The following GNL1 variants were observed in gnomAD, a reference collection of about 807,000 sequenced individuals.
GNL1 encodes G protein nucleolar 1.
A neutral mutation model predicts 75.2 loss-of-function variants in GNL1; 21 were observed. That is an observed-to-expected ratio of 0.28 (90% CI 0.20 to 0.40). The LOEUF is 0.40. Among genes scored for constraint, GNL1 ranks in the 10% least tolerant of loss-of-function variants. The pLI, the probability that GNL1 is intolerant of heterozygous loss-of-function variation, is 1.00. For synonymous variants in GNL1, 287 were observed against 303.4 expected, an observed-to-expected ratio of 0.95 and a Z score of 0.56; for missense variants, 579 against 775.0, an observed-to-expected ratio of 0.75 and a Z score of 3.00.
In GNL1 at chr6:30,545,314, A is replaced by G. The variant is rs1481724440; in HGVS notation, c.*758T>C. Reference sequence around the variant, plus strand: ...AATTAAAACTACTCGTACACATTTAATCAACATTTTCACAAGCGTTTTGCC... The same window carrying G: ...AATTAAAACTACTCGTACACATTTAGTCAACATTTTCACAAGCGTTTTGCC... On this transcript the variant is annotated 3_prime_UTR_variant, in exon 12 of 12. Transcript: ENST00000376621. The G allele has an allele frequency of 1.3e-5, 2 of 152,288 alleles. No homozygotes were observed. Among genetic ancestry groups the G allele is most frequent in the African/African-American group, 4.8e-5 (2 of 41,474 alleles). The allele number at this position is 152,288 out of a possible 1,614,324, so 9.4% of individuals were successfully genotyped here. A position where few individuals can be genotyped will look rare whatever the true frequency, so the allele number is the denominator to read the frequency against.
chr6:30,556,309 C>T lies in GNL1; in HGVS notation c.-106G>A. 8 of 1,342,472 alleles carry T rather than the reference C, an allele frequency of 6.0e-6. No individual in the cohort carries two copies. Among genetic ancestry groups the T allele is most frequent in the Non-Finnish European group, 8.3e-6 (8 of 960,030 alleles). The allele number at this position is 1,342,472 out of a possible 1,614,324, so 83.2% of individuals were successfully genotyped here. On this transcript the variant is annotated 5_prime_UTR_variant, in exon 1 of 12. Transcript: ENST00000376621. The surrounding 1 kb of genome is among the most constrained non-coding windows in gnomAD (Gnocchi z 5.7). ...CAGGGGCCCGGGACCCTAGAGGAGG[C>T]GGGGCTAGCAGGTGACGTCAGCGGG...
chr6:30,547,152 G>C lies in GNL1; in HGVS notation c.1401C>G (p.Pro467=). 1 of 1,613,014 alleles carries C rather than the reference G, an allele frequency of 6.2e-7. No homozygotes were observed. Among genetic ancestry groups the C allele is most frequent in the Non-Finnish European group, 8.5e-7 (1 of 1,179,916 alleles). ...AGGCACACCAGGGGTGTTCCGCTGA[G>C]GGGTCCTCAGCCTCTGGGTGGCGCA... ...LHLRHPEAED[P]SAEHPWCAWD... is the part of the protein sequence containing the mutation. The change falls in exon 10 of 12, where the codon CCC becomes CCG. Residue 467 remains proline, a synonymous_variant. Coordinates refer to ENST00000376621, the MANE Select transcript of GNL1 (RefSeq NM_005275.5). The surrounding 1 kb of genome is among the most constrained non-coding windows in gnomAD (Gnocchi z 5.5).
Position 30,546,333 on chromosome 6 carries a change from A to C in GNL1, c.1583-20T>G. The C allele has an allele frequency of 2.0e-6, 3 of 1,536,534 alleles. No individual in the cohort carries two copies. Among genetic ancestry groups the C allele is most frequent in the Non-Finnish European group, 2.7e-6 (3 of 1,122,874 alleles). On this transcript the variant is annotated intron_variant, in intron 11 of 11. Transcript: ENST00000376621. The surrounding 1 kb of genome is among the most constrained non-coding windows in gnomAD (Gnocchi z 5.1). Reference sequence around the variant, plus strand: ...AGGTGCCTGGGGAACCAAAACAAGAAAAAAATGGAGGAGAGTTTTGAGCAA... The same window carrying C: ...AGGTGCCTGGGGAACCAAAACAAGACAAAAATGGAGGAGAGTTTTGAGCAA...
rs1331092426 is a variant in GNL1 at position 30,555,191 on chromosome 6, T to C, written c.240A>G (p.Arg80=). Residue 80 remains arginine (R), a splice_region_variant and synonymous_variant, in exon 3 of 12, where the codon CGA becomes CGG. Coordinates refer to ENST00000376621, the MANE Select transcript of GNL1 (RefSeq NM_005275.5). This position sits in a 1 kb window ranked among gnomAD's most constrained non-coding sequence, Gnocchi z 4.3. ...TGTCTCTCTCAAAATGCAGTCGGTATCTAAGGGAACAGGGACCGAGACATC... is the reference window on the plus strand; with the variant it reads ...TGTCTCTCTCAAAATGCAGTCGGTACCTAAGGGAACAGGGACCGAGACATC... ...GLGPRGYDPN[R]YRLHFERDSR... is the part of the protein sequence containing the mutation. 7 of 1,612,910 alleles carry C rather than the reference T, an allele frequency of 4.3e-6. No homozygotes were observed. Among genetic ancestry groups the C allele is most frequent in the Non-Finnish European group, 5.9e-6 (7 of 1,180,022 alleles).
intron 6 of GNL1, 38 bp downstream of exon 6, chr6:30,553,312 C>G: frequency 6.4e-7 from 1 of 1,554,722 alleles, no homozygotes; most frequent in Non-Finnish European, 8.9e-7. Flanking sequence ...CCTGCCAACT[C>G]ACCTCTCCCA....
chr6:30,555,065 C>A lies in GNL1; in HGVS notation c.366G>T (p.Gln122His), dbSNP rs749771530. The A allele has an allele frequency of 2.5e-6, 4 of 1,613,062 alleles. No homozygotes were observed. Among genetic ancestry groups the A allele is most frequent in the Non-Finnish European group, 3.4e-6 (4 of 1,180,038 alleles). Residue 122 changes from glutamine to histidine, a missense_variant, in exon 3 of 12, where the codon CAG becomes CAT. Coordinates refer to ENST00000376621, the MANE Select transcript of GNL1 (RefSeq NM_005275.5). The surrounding 1 kb of genome is among the most constrained non-coding windows in gnomAD (Gnocchi z 4.3). ...LLELDIREVY[Q>H]PGSVLDFPRR... ...CTTGCTCTCACTCACCTGAGCCAGGCTGATACACCTCCCGGATGTCCAGCT... is the reference window on the plus strand; with the variant it reads ...CTTGCTCTCACTCACCTGAGCCAGGATGATACACCTCCCGGATGTCCAGCT...
chr6:30,547,137 G>A lies in GNL1; in HGVS notation c.1416C>T (p.Pro472=). Residue 472 remains proline, a synonymous_variant, in exon 10 of 12, where the codon CCC becomes CCT. Transcript: ENST00000376621. This position sits in a 1 kb window ranked among gnomAD's most constrained non-coding sequence, Gnocchi z 5.5. ...PEAEDPSAEH[P]WCAWDICEAW... ...CTTCACAGATGTCCCAGGCACACCA[G>A]GGGTGTTCCGCTGAGGGGTCCTCAG... 6.2e-7 allele frequency: 1 copy of A among 1,612,554 alleles called. No individual in the cohort carries two copies. The highest frequency in any genetic ancestry group is 8.5e-7 in the Non-Finnish European group (1 of 1,179,814).
rs1240264230 is a variant in GNL1, at chr6:30,547,185, C to G, written c.1368G>C (p.Leu456=). ...YLASRIPVQA[L]LHLRHPEAED... is the part of the protein sequence containing the mutation. Reference sequence around the variant, plus strand: ...CAGCCTCTGGGTGGCGCAGGTGGAGCAGGGCCTGCACGGGAATTCGGGAGG... The same window carrying G: ...CAGCCTCTGGGTGGCGCAGGTGGAGGAGGGCCTGCACGGGAATTCGGGAGG... Residue 456 remains leucine, a synonymous_variant, in exon 10 of 12, where the codon CTG becomes CTC. Coordinates refer to ENST00000376621, the MANE Select transcript of GNL1 (RefSeq NM_005275.5). The surrounding 1 kb of genome is among the most constrained non-coding windows in gnomAD (Gnocchi z 5.5). 1 of 1,613,218 alleles carries G rather than the reference C, an allele frequency of 6.2e-7. No individual in the cohort carries two copies. The highest frequency in any genetic ancestry group is 8.5e-7 in the Non-Finnish European group (1 of 1,179,868).
chr6:30,544,101 G>A lies in GNL1; in HGVS notation c.*1971C>T, dbSNP rs1001418217. 1 of 152,202 alleles carries A rather than the reference G, an allele frequency of 6.6e-6. No individual in the cohort carries two copies. The highest frequency in any genetic ancestry group is 2.4e-5 in the African/African-American group (1 of 41,406). 9.4% of individuals were successfully genotyped at this position (152,202 alleles called of 1,614,324 possible). Reference sequence around the variant, plus strand: ...GGGCCCTATTCATCCTCATCTGCACGTCCCTCAGTTCTTTTCCTGTTGCTA... The same window carrying A: ...GGGCCCTATTCATCCTCATCTGCACATCCCTCAGTTCTTTTCCTGTTGCTA... On this transcript the variant is annotated 3_prime_UTR_variant, in exon 12 of 12. Transcript: ENST00000376621.
chr6:30,548,111 G>A lies in GNL1; in HGVS notation c.1100-581C>T, dbSNP rs566904964. 2.3e-4 allele frequency among the ~76,000 whole-genome samples: 35 copies of A among 152,252 alleles called. 1 individual carries two copies. Among genetic ancestry groups the A allele is most frequent in the African/African-American group, 6.3e-4 (26 of 41,548 alleles). ...GAACCACTTGAACCCAGGAGGCGGA[G>A]GTTGCAGTGAGCTGAGATTGCACCA... On this transcript the variant is annotated intron_variant, in intron 8 of 11. Transcript: ENST00000376621. The surrounding 1 kb of genome is among the most constrained non-coding windows in gnomAD (Gnocchi z 4.2).
Position 30,546,834 on chromosome 6 carries a change from A to G in GNL1, c.1444T>C (p.Trp482Arg). Reference protein sequence around the residue: ...PWCAWDICEAWAEKRGYKTAK... With the variant: ...PWCAWDICEARAEKRGYKTAK... The stretch of plus-strand genomic sequence containing the variant: ...GTCTTGTAACCACGTTTCTCTGCCC[A>G]GGCTGGAGGAAGAAAAGAATAATGG... Residue 482 changes from tryptophan to arginine, a missense_variant and splice_region_variant, in exon 11 of 12, where the codon TGG becomes CGG. Trp to Arg is a moderately radical substitution (Grantham distance 101). Coordinates refer to ENST00000376621, the MANE Select transcript of GNL1 (RefSeq NM_005275.5). The surrounding 1 kb of genome is among the most constrained non-coding windows in gnomAD (Gnocchi z 5.1). 1 of 1,586,266 alleles carries G rather than the reference A, an allele frequency of 6.3e-7. No individual in the cohort carries two copies. The highest frequency in any genetic ancestry group is 8.6e-7 in the Non-Finnish European group (1 of 1,162,140).
Position 30,547,214 on chromosome 6 carries a change from G to C in GNL1, c.1339C>G (p.Leu447Val), listed in dbSNP as rs370550717. The change falls in exon 10 of 12, where the codon CTG becomes GTG. Residue 447 changes from leucine (L) to valine (V), a missense_variant. By Grantham distance (32) the Leu-to-Val change is conservative. Transcript: ENST00000376621. The surrounding 1 kb of genome is among the most constrained non-coding windows in gnomAD (Gnocchi z 5.5). Reference protein sequence around the residue: ...IQEPYTAVGYLASRIPVQALL... With the variant: ...IQEPYTAVGYVASRIPVQALL... Reference sequence around the variant, plus strand: ...GCCTGCACGGGAATTCGGGAGGCCAGGTAGCCCACAGCAGTGTAGGGCTCC... The same window carrying C: ...GCCTGCACGGGAATTCGGGAGGCCACGTAGCCCACAGCAGTGTAGGGCTCC... The C allele has an allele frequency of 6.2e-7, 1 of 1,613,256 alleles. No individual in the cohort carries two copies. Among genetic ancestry groups the C allele is most frequent in the Non-Finnish European group, 8.5e-7 (1 of 1,179,560 alleles).
intron 8 of GNL1, among the ~76,000 whole-genome samples, chr6:30,549,398 G>A (rs1047758773): frequency 6.6e-6 from 1 of 152,130 alleles, no homozygotes; most frequent in African/African-American, 2.4e-5. Context: ...TTTATGACCT[G>A]TGTATCTCTC....
chr6:30,552,776 C>T lies in GNL1; in HGVS notation c.905-115G>A. On this transcript the variant is annotated intron_variant, in intron 7 of 11. Coordinates refer to ENST00000376621, the MANE Select transcript of GNL1 (RefSeq NM_005275.5). This position sits in a 1 kb window ranked among gnomAD's most constrained non-coding sequence, Gnocchi z 4.5. ...GGCACCCTCTGGAGTTGTACAGTGC[C>T]AACCTAAATAAGAGCAGGTCAGAGA... The T allele has an allele frequency of 1.1e-6, 1 of 912,252 alleles. No individual in the cohort carries two copies. Among genetic ancestry groups the T allele is most frequent in the Non-Finnish European group, 1.6e-6 (1 of 607,322 alleles). 56.5% of individuals were successfully genotyped at this position (912,252 alleles called of 1,614,324 possible).
In GNL1 at chr6:30,553,141, G is replaced by C; in HGVS notation, c.847C>G (p.Arg283Gly). ...AGCAACTGCTCTGGCCCCAGGGCCC[G>C]AGTCCATCCTCTCCCCCGCCTCCGA... ...KSRRRGRGWT[R>G]ALGPEQLLRA... Residue 283 changes from arginine to glycine, a missense_variant, in exon 7 of 12, where the codon CGG (arginine) becomes GGG (glycine). Physicochemically the swap from Arg to Gly is moderately radical, Grantham distance 125 (BLOSUM62 -2). Coordinates refer to ENST00000376621, the MANE Select transcript of GNL1 (RefSeq NM_005275.5). The C allele has an allele frequency of 6.2e-7, 1 of 1,613,730 alleles. No individual in the cohort carries two copies. The highest frequency in any genetic ancestry group is 8.5e-7 in the Non-Finnish European group (1 of 1,179,684).
At position 30,546,207 on chromosome 6, in the gene GNL1, G is replaced by A; in HGVS notation, c.1689C>T (p.Ser563=). The change falls in exon 12 of 12, where the codon TCC becomes TCT. Residue 563 remains serine, a synonymous_variant. Coordinates refer to ENST00000376621, the MANE Select transcript of GNL1 (RefSeq NM_005275.5). This position sits in a 1 kb window ranked among gnomAD's most constrained non-coding sequence, Gnocchi z 5.1. ...GGTCCTCCTCTCCCTCCTCCTCACA[G>A]GAGCTGCTCAGCTCTTCCTCTTCCT... ...EEEEEEELSS[S]CEEEGEEDRD... 1 of 1,549,618 alleles carries A rather than the reference G, an allele frequency of 6.5e-7. No homozygotes were observed. Among genetic ancestry groups the A allele is most frequent in the Non-Finnish European group, 8.8e-7 (1 of 1,138,262 alleles).
At position 30,545,887 on chromosome 6, in the gene GNL1, GGAGAA is replaced by G; in HGVS notation, c.*180_*184del. 1.8e-6 allele frequency: 1 copy of G among 570,226 alleles called. No homozygotes were observed. Among genetic ancestry groups the G allele is most frequent in the Non-Finnish European group, 3.1e-6 (1 of 326,908 alleles). 35.3% of individuals were successfully genotyped at this position (570,226 alleles called of 1,614,324 possible). A position where few individuals can be genotyped will look rare whatever the true frequency, so the allele number is the denominator to read the frequency against. On this transcript the variant is annotated 3_prime_UTR_variant, in exon 12 of 12. Transcript: ENST00000376621. Reference sequence around the variant, plus strand: ...CAAAGAGAATGCATGAAAAAAGAAGGGAGAAGAGGAGAGAAGCCTCCCACAGCTGT... The same window carrying G: ...CAAAGAGAATGCATGAAAAAAGAAGGGAGGAGAGAAGCCTCCCACAGCTGT...
chr6:30,554,689 C>G (rs1170272969), intron 4 of GNL1, 43 bp from the exon 5 acceptor site: 2 of 1,592,390 alleles, frequency 1.3e-6, no homozygotes, highest in African/African-American at 1.3e-5. Flanking sequence ...AACAGAGTCC[C>G]TCTCCAGCCT....
Position 30,555,144 on chromosome 6 carries a change from C to T in GNL1, c.287G>A (p.Arg96Lys). The T allele has an allele frequency of 6.2e-7, 1 of 1,613,082 alleles. No homozygotes were observed. Among genetic ancestry groups the T allele is most frequent in the Non-Finnish European group, 8.5e-7 (1 of 1,180,028 alleles). ...AACTTGCTCCCGGGCTGCTCTCTTT[C>T]TCCTCTCTACCTCCTCCCTGCTGTC... ...ERDSREEVER[R>K]KRAAREQVLQ... is the part of the protein sequence containing the mutation. The change falls in exon 3 of 12, where the codon AGA (arginine) becomes AAA (lysine). Residue 96 changes from arginine to lysine, a missense_variant. Physicochemically the swap from Arg to Lys is conservative, Grantham distance 26. Coordinates refer to ENST00000376621, the MANE Select transcript of GNL1 (RefSeq NM_005275.5). This position sits in a 1 kb window ranked among gnomAD's most constrained non-coding sequence, Gnocchi z 4.3.
Sources: gnomAD v4.1 joint callset for allele counts (sites outside exome capture counted in the v4.1 genomes callset) on GRCh38, gnomAD v4.1.1 for gene constraint, Gnocchi (gnomAD v3.1) non-coding constraint, MANE v1.5 for transcripts, NCBI Gene and HGNC (gene_info 2026-07-23, HGNC 2026-07-21) for gene names.